Variants in UGT3A2 observed in about 807,000 individuals in gnomAD.
UGT3A2 encodes UDP glycosyltransferase family 3 member A2.
In UGT3A2, 32 loss-of-function variants were observed where a neutral mutation model predicts 39.8. That is an observed-to-expected ratio of 0.80 (90% confidence interval 0.61 to 1.08). The LOEUF is 1.08. UGT3A2 is among the 50% of genes least tolerant of loss of function. The pLI is 0.00. For missense variants in UGT3A2, 611 were observed against 637.1 expected (o/e 0.96, Z 0.44); for synonymous variants, 241 against 230.7 (o/e 1.04, Z -0.40).
chr5:36,045,908 A>C (rs1742153512), intron 4 of UGT3A2, among the ~76,000 whole-genome samples: 1 of 152,212 alleles, frequency 6.6e-6, no homozygotes, highest in South Asian at 2.1e-4. Context: ...AGAATACATA[A>C]AAGCTCAAAC....
chr5:36,043,453 G>A (rs904714352), intron 4 of UGT3A2, among the ~76,000 whole-genome samples: 1 of 151,554 alleles, frequency 6.6e-6, no homozygotes, highest in Admixed American at 6.6e-5. Flanking sequence ...AACAACCTAC[G>A]GATGCATCTT....
intron 6 of UGT3A2, among the ~76,000 whole-genome samples, chr5:36,036,493 G>T (rs1741835455): frequency 6.6e-6 from 1 of 152,132 alleles, no homozygotes; most frequent in African/African-American, 2.4e-5. Context: ...ATAATAAGAG[G>T]CTCCACACTT....
intron 2 of UGT3A2, 146 bp downstream of exon 2, chr5:36,064,103 G>T: frequency 1.4e-6 from 1 of 694,742 alleles, no homozygotes; most frequent in South Asian, 2.3e-5. Flanking sequence ...GAAGTTTTTT[G>T]GCACTTTACA....
Position 36,066,724 on chromosome 5 carries a change from A to C in UGT3A2, c.66T>G (p.Ala22=). 6.2e-7 allele frequency: 1 copy of C among 1,614,186 alleles called. No individual in the cohort carries two copies. Among genetic ancestry groups the C allele is most frequent in the African/African-American group, 1.3e-5 (1 of 75,062 alleles). The part of the protein sequence containing the change: ...FLLPGVLLSE[A]AKILTISTVG... ...CTGTAGATATTGTCAGGATTTTGGCAGCCTCTGAGAGCAGGACCCCAGGGA... is the reference window on the plus strand; with the variant it reads ...CTGTAGATATTGTCAGGATTTTGGCCGCCTCTGAGAGCAGGACCCCAGGGA... Residue 22 remains alanine, a synonymous_variant, in exon 1 of 7, where the codon GCT becomes GCG. Coordinates refer to ENST00000282507, the MANE Select transcript of UGT3A2 (RefSeq NM_174914.4).
chr5:36,049,166 G>T lies in UGT3A2; in HGVS notation c.566C>A (p.Ser189Tyr). 6.2e-7 allele frequency: 1 copy of T among 1,614,170 alleles called. No individual in the cohort carries two copies. The highest frequency in any genetic ancestry group is 8.5e-7 in the Non-Finnish European group (1 of 1,180,042). Residue 189 changes from serine (S) to tyrosine (Y), a missense_variant, in exon 4 of 7, where the codon TCC (serine) becomes TAC (tyrosine). By Grantham distance (144) the Ser-to-Tyr change is moderately radical (BLOSUM62 -2). Coordinates refer to ENST00000282507, the MANE Select transcript of UGT3A2 (RefSeq NM_174914.4). ...IPLSYVPVFR[S>Y]LLTDHMDFWG... ...GAAGTCCATGTGATCAGTCAGCAAG[G>T]AACGGAATACTGGAACATAAGACAA...
chr5:36,044,382 A>C (rs1742103879), intron 4 of UGT3A2, among the ~76,000 whole-genome samples: 1 of 152,192 alleles, frequency 6.6e-6, no homozygotes, highest in Non-Finnish European at 1.5e-5. Flanking sequence ...AGTTAGTATC[A>C]CACTAAATGG....
rs887991786 is a variant in UGT3A2, at chr5:36,041,191, G to T, written c.844-1483C>A. Among the ~76,000 whole-genome samples, 41 of 152,032 alleles carry T rather than the reference G, an allele frequency of 2.7e-4. 1 individual carries two copies. ...ACAGGCTTGGGGTGGGGTGGCCATG[G>T]GCGAGACTCCTGCTTTAGGAAGGGA... On this transcript the variant is annotated intron_variant, in intron 4 of 6. Coordinates refer to ENST00000282507, the MANE Select transcript of UGT3A2 (RefSeq NM_174914.4).
intron 2 of UGT3A2, among the ~76,000 whole-genome samples, chr5:36,063,142 C>T (rs142606112): frequency 6.6e-6 from 1 of 152,106 alleles, no homozygotes; most frequent in East Asian, 1.9e-4. Context: ...AAGATGCTTG[C>T]TTTTGGATTT....
intron 6 of UGT3A2, among the ~76,000 whole-genome samples, chr5:36,037,161 G>T (rs1580994099): frequency 6.6e-6 from 1 of 152,200 alleles, no homozygotes; most frequent in South Asian, 2.1e-4. Flanking sequence ...AGCTACTCGG[G>T]AGGCTGAATC....
intron 2 of UGT3A2, among the ~76,000 whole-genome samples, chr5:36,052,681 TC>T (rs1378887100): frequency 6.6e-6 from 1 of 151,938 alleles, no homozygotes; most frequent in African/African-American, 2.4e-5. Context: ...CAGTCATCCC[TC>T]CCTGCTCTCT....
At chr5:36,038,327 C>T (rs1741897923) in intron 5 of UGT3A2, among the ~76,000 whole-genome samples, 1 of 152,144 alleles carries the variant, frequency 6.6e-6, no homozygotes, top group Non-Finnish European at 1.5e-5. Context: ...TCTCTCTGTC[C>T]TCCCTGTGCC....
intron 3 of UGT3A2, 36 bp from the exon 4 acceptor site, chr5:36,049,456 A>G (rs1742275319): frequency 6.8e-7 from 1 of 1,465,220 alleles, no homozygotes; most frequent in African/African-American, 1.4e-5. Flanking sequence ...ATTCATGGGA[A>G]GTGTTAAATT....
intron 1 of UGT3A2, among the ~76,000 whole-genome samples, chr5:36,065,326 G>C (rs1337589723): frequency 6.6e-6 from 1 of 152,162 alleles, no homozygotes; most frequent in African/African-American, 2.4e-5. Context: ...GGAGCAACAA[G>C]GGACGTATAA....
chr5:36,038,861 C>T (rs1741915060), intron 5 of UGT3A2, among the ~76,000 whole-genome samples: 1 of 152,194 alleles, frequency 6.6e-6, no homozygotes, highest in African/African-American at 2.4e-5. Flanking sequence ...CAGAGAAAAC[C>T]TGTTGGGGGT....
intron 2 of UGT3A2, among the ~76,000 whole-genome samples, chr5:36,054,829 T>C (rs1314896360): frequency 1.3e-5 from 2 of 152,216 alleles, no homozygotes; most frequent in Non-Finnish European, 2.9e-5. Context: ...GGCTCATTGC[T>C]TCACCTTCAG....
In UGT3A2 at chr5:36,035,854, C is replaced by G. The variant is rs377750859; in HGVS notation, c.1416G>C (p.Lys472Asn). The G allele has an allele frequency of 1.9e-6, 3 of 1,614,058 alleles. No homozygotes were observed. Among genetic ancestry groups the G allele is most frequent in the Non-Finnish European group, 2.5e-6 (3 of 1,180,048 alleles). Reference sequence around the variant, plus strand: ...GCCAGGGCTGCTGAAAGACATAGGGCTTGAGGTGCGTCGCGCCCCCTGTCT... The same window carrying G: ...GCCAGGGCTGCTGAAAGACATAGGGGTTGAGGTGCGTCGCGCCCCCTGTCT... Reference protein sequence around the residue: ...VLQTGGATHLKPYVFQQPWHE... With the variant: ...VLQTGGATHLNPYVFQQPWHE... Residue 472 changes from lysine to asparagine, a missense_variant, in exon 7 of 7, where the codon AAG becomes AAC. Coordinates refer to ENST00000282507, the MANE Select transcript of UGT3A2 (RefSeq NM_174914.4).
Position 36,048,719 on chromosome 5 carries a change from T to C in UGT3A2, c.843+170A>G, listed in dbSNP as rs566485207. ...TCTCAGGATGGTGCAAGGCCTAACA[T>C]TATACTTGCACAACACTGAAACTCA... is the stretch of plus-strand genomic sequence containing the variant. On this transcript the variant is annotated intron_variant, in intron 4 of 6. Transcript: ENST00000282507. Among the ~76,000 whole-genome samples the C allele has an allele frequency of 5.3e-5, 8 of 152,272 alleles. No individual in the cohort carries two copies. In the East Asian group the frequency reaches 1.5e-3, roughly 29 times the overall value.
chr5:36,035,666 C>T lies in UGT3A2; in HGVS notation c.*32G>A, dbSNP rs1463311990. 5 of 1,602,196 alleles carry T rather than the reference C, an allele frequency of 3.1e-6. No homozygotes were observed. Among genetic ancestry groups the T allele is most frequent in the Non-Finnish European group, 4.3e-6 (5 of 1,171,692 alleles). On this transcript the variant is annotated 3_prime_UTR_variant, in exon 7 of 7. Coordinates refer to ENST00000282507, the MANE Select transcript of UGT3A2 (RefSeq NM_174914.4). ...TCCCTAGAAATGGTGACATCGCCCA[C>T]CAAACAGACCCCGCCAAGGCTGCAC...
chr5:36,064,107 C>G (rs548610486), intron 2 of UGT3A2, 142 bp downstream of exon 2: 6 of 746,508 alleles, frequency 8.0e-6, no homozygotes, highest in African/African-American at 7.1e-5. Context: ...TTTTTTGGCA[C>G]TTTACATACA....
Sources: allele counts gnomAD v4.1 joint callset (sites outside exome capture counted in the v4.1 genomes callset), GRCh38; gene constraint gnomAD v4.1.1; transcripts MANE v1.5; gene names NCBI Gene and HGNC (gene_info 2026-07-23, HGNC 2026-07-21).